The following KLF12 variants were observed in gnomAD, a reference collection of about 807,000 sequenced individuals.
KLF12 encodes the protein Krueppel-like factor 12.
Under a neutral mutation model 37.8 loss-of-function variants are expected in KLF12, and 9 were observed. The ratio of observed to expected loss-of-function variants is 0.24; its 90% CI spans 0.14 to 0.42. KLF12 has a LOEUF of 0.42. Ranked by LOEUF, KLF12 falls within the 10% of genes least tolerant of loss-of-function variation. The pLI is 1.00. For missense variants in KLF12, 411 were observed against 516.0 expected (o/e 0.80, Z 1.97); for synonymous variants, 208 against 202.1 (o/e 1.03, Z -0.25).
chr13:74,200,754 T>C, the KLF12 span, among the ~76,000 whole-genome samples: 1 of 152,082 alleles, frequency 6.6e-6, no homozygotes, highest in Non-Finnish European at 1.5e-5. Context: ...TCTGTGGTTA[T>C]ACACCTCTGC....
chr13:73,830,286 T>C (rs1309435489), intron 4 of KLF12, among the ~76,000 whole-genome samples: 1 of 92,498 alleles, frequency 1.1e-5, no homozygotes, highest in Non-Finnish European at 2.5e-5. Flanking sequence ...CTATGACATA[T>C]CATGATACCA....
chr13:73,817,875 CAAATT>C (rs1298063746), intron 4 of KLF12, among the ~76,000 whole-genome samples: 1 of 152,222 alleles, frequency 6.6e-6, no homozygotes, highest in Non-Finnish European at 1.5e-5. Flanking sequence ...ATTCTGGAAT[CAAATT>C]AAAGCCAATT....
At position 73,695,333 on chromosome 13, in the gene KLF12, A is replaced by C; in HGVS notation, c.*157T>G. On this transcript the variant is annotated 3_prime_UTR_variant, in exon 8 of 8. Transcript: ENST00000377669. The stretch of plus-strand genomic sequence containing the variant: ...TAGTCATGATGGGGGTTACCTTCAG[A>C]CCAAAAGAAGTGTGCCTTCTTTTTC... 1 of 698,878 alleles carries C rather than the reference A, an allele frequency of 1.4e-6. No homozygotes were observed. Among genetic ancestry groups the C allele is most frequent in the Non-Finnish European group, 2.4e-6 (1 of 424,044 alleles). 43.3% of individuals were successfully genotyped at this position (698,878 alleles called of 1,614,324 possible).
At chr13:73,985,770 T>C (rs1337433719) in intron 2 of KLF12, among the ~76,000 whole-genome samples, 1 of 152,208 alleles carries the variant, frequency 6.6e-6, no homozygotes, top group Non-Finnish European at 1.5e-5. Context: ...CTCTCTGCTG[T>C]GTGAAGACGG....
the KLF12 span, among the ~76,000 whole-genome samples, chr13:74,159,559 G>A: frequency 3.9e-5 from 6 of 152,182 alleles, no homozygotes; most frequent in Non-Finnish European, 5.9e-5. Flanking sequence ...ACTTTAGCCT[G>A]CTCTGGAGTA....
intron 3 of KLF12, among the ~76,000 whole-genome samples, chr13:73,941,973 C>A (rs1890207778): frequency 1.3e-5 from 2 of 152,092 alleles, no homozygotes; most frequent in African/African-American, 2.4e-5. Context: ...TACCTATGAA[C>A]CCACAACTTT....
Position 73,690,512 on chromosome 13 carries a change from GA to G in KLF12, c.*4977del, listed in dbSNP as rs1160911413. 6.6e-6 allele frequency: 1 copy of G among 152,142 alleles called. No homozygotes were observed. Among genetic ancestry groups the G allele is most frequent in the Non-Finnish European group, 1.5e-5 (1 of 68,014 alleles). The allele number at this position is 152,142 out of a possible 1,614,324, so 9.4% of individuals were successfully genotyped here. A position where few individuals can be genotyped will look rare whatever the true frequency, so the allele number is the denominator to read the frequency against. On this transcript the variant is annotated 3_prime_UTR_variant, in exon 8 of 8. Transcript: ENST00000377669. ...TGTGCAGCTGTTTTGCCCTTTTCAG[GA>G]AAAGACATTACTAGTTTGGAATCAG...
At chr13:74,285,510 T>C in the KLF12 span, among the ~76,000 whole-genome samples, 1 of 152,198 alleles carries the variant, frequency 6.6e-6, no homozygotes, top group Non-Finnish European at 1.5e-5. Flanking sequence ...ACGTTTTCAT[T>C]TGTGGGAGCA....
intron 6 of KLF12, among the ~76,000 whole-genome samples, chr13:73,754,960 T>C (rs1470643421): frequency 6.6e-6 from 1 of 152,240 alleles, no homozygotes; most frequent in Non-Finnish European, 1.5e-5. Context: ...CTCCTACCTT[T>C]AATACAATTC....
rs1892694891 is a variant in KLF12, at chr13:74,016,678, A to G, written c.-31-21625T>C. Among the ~76,000 whole-genome samples, 5 of 152,202 alleles carry G rather than the reference A, an allele frequency of 3.3e-5. No homozygotes were observed. In the South Asian group the frequency reaches 1.0e-3, roughly 31 times the overall value. ...ATGCCCTGCCTCTCATGTAGCATTG[A>G]CAAATGTCTAAATGACACAGTTACT... On this transcript the variant is annotated intron_variant, in intron 1 of 7. Coordinates refer to ENST00000377669, the MANE Select transcript of KLF12 (RefSeq NM_007249.5).
intron 4 of KLF12, among the ~76,000 whole-genome samples, chr13:73,839,958 T>C (rs576040383): frequency 6.6e-6 from 1 of 152,270 alleles, no homozygotes; most frequent in Non-Finnish European, 1.5e-5. Context: ...ATTCCATTTC[T>C]CTACAACTCT....
intron 3 of KLF12, among the ~76,000 whole-genome samples, chr13:73,890,160 C>T (rs1467648868): frequency 6.6e-6 from 1 of 152,064 alleles, no homozygotes; most frequent in Admixed American, 6.6e-5. Flanking sequence ...TACTGATTTC[C>T]TCTGATTTTC....
chr13:74,130,082 C>A (rs181587209), intron 1 of KLF12, among the ~76,000 whole-genome samples: 522 of 152,254 alleles, frequency 3.4e-3, no homozygotes, highest in African/African-American at 5.6e-3. Context: ...GGGCAAGGCC[C>A]ATCTGTTTAC....
chr13:74,081,160 A>ATCT (rs1212908737), intron 1 of KLF12, among the ~76,000 whole-genome samples: 1 of 152,222 alleles, frequency 6.6e-6, no homozygotes, highest in Non-Finnish European at 1.5e-5. Flanking sequence ...AGGTCTCATA[A>ATCT]TCTAGCCCTG....
chr13:73,764,343 T>C (rs950432294), intron 6 of KLF12, among the ~76,000 whole-genome samples: 1 of 152,166 alleles, frequency 6.6e-6, no homozygotes, highest in Non-Finnish European at 1.5e-5. Flanking sequence ...TGAAACACTT[T>C]AAATCGCTTC....
chr13:73,896,813 G>T (rs1446626194), intron 3 of KLF12, among the ~76,000 whole-genome samples: 1 of 152,050 alleles, frequency 6.6e-6, no homozygotes, highest in Non-Finnish European at 1.5e-5. Flanking sequence ...ATACTACAAA[G>T]CCATATAATA....
At chr13:74,013,098 G>A (rs896337071) in intron 1 of KLF12, among the ~76,000 whole-genome samples, 5 of 152,208 alleles carry the variant, frequency 3.3e-5, no homozygotes, top group Admixed American at 6.5e-5. Context: ...AGCTGGGTAC[G>A]AACACAAGAA....
chr13:74,289,146 C>G, the KLF12 span: 3 of 151,998 alleles, frequency 2.0e-5, no homozygotes, highest in Admixed American at 1.3e-4. Flanking sequence ...AAGGGTAGAA[C>G]AAAGAGTTCG....
rs1566222990 is a variant in KLF12 at position 74,122,639 on chromosome 13, C to T, written c.-32+11100G>A. Among the ~76,000 whole-genome samples the T allele has an allele frequency of 2.6e-5, 4 of 151,988 alleles. No individual in the cohort carries two copies. In the South Asian group the frequency reaches 6.2e-4, roughly 24 times the overall value. On this transcript the variant is annotated intron_variant, in intron 1 of 7. Coordinates refer to ENST00000377669, the MANE Select transcript of KLF12 (RefSeq NM_007249.5). ...CAAAAACTGGAAACACAGTATTTCC[C>T]TCTAATAAATGAGTGAGTAGACTAT...
Sources: gnomAD v4.1 joint callset for allele counts (sites outside exome capture counted in the v4.1 genomes callset) on GRCh38, gnomAD v4.1.1 for gene constraint, MANE v1.5 for transcripts, NCBI Gene and HGNC (gene_info 2026-07-23, HGNC 2026-07-21) for gene names.